TENT2: variants seen among roughly 807,000 people sequenced by gnomAD.
TENT2 encodes poly(A) RNA polymerase GLD2.
A neutral mutation model predicts 72.2 loss-of-function variants in TENT2; 44 were observed. That is an observed-to-expected ratio of 0.61 (90% CI 0.48 to 0.78). The LOEUF is 0.78. Among genes scored for constraint, TENT2 ranks in the 30% least tolerant of loss-of-function variants. The pLI is 0.00. For missense variants in TENT2, 541 were observed against 569.6 expected, an observed-to-expected ratio of 0.95 and a Z score of 0.51; for synonymous variants, 212 against 192.5, an observed-to-expected ratio of 1.10 and a Z score of -0.84.
At chr5:79,638,987 TA>T (rs1472254094) in intron 4 of TENT2, among the ~76,000 whole-genome samples, 1 of 152,362 alleles carries the variant, frequency 6.6e-6, no homozygotes, top group East Asian at 1.9e-4. Flanking sequence ...TTTGCCTCAT[TA>T]TGGACTATAA....
chr5:79,622,205 G>C (rs1765654952), intron 3 of TENT2, among the ~76,000 whole-genome samples: 1 of 152,090 alleles, frequency 6.6e-6, no homozygotes, highest in Non-Finnish European at 1.5e-5. Flanking sequence ...GGCGGCTGAG[G>C]CAGGAGAATA....
intron 14 of TENT2, among the ~76,000 whole-genome samples, chr5:79,684,894 CA>C (rs35681657): frequency 6.6e-6 from 1 of 152,066 alleles, no homozygotes; most frequent in Non-Finnish European, 1.5e-5. Flanking sequence ...CTTGTCTCTA[CA>C]AAAAAATTTA....
At chr5:79,657,062 T>C (rs976775431) in intron 11 of TENT2, 61 bp downstream of exon 11, 10 of 1,143,284 alleles carry the variant, frequency 8.7e-6, no homozygotes, top group Non-Finnish European at 1.3e-5. Flanking sequence ...AGAACTATTA[T>C]AAGTAGTATT....
At position 79,623,479 on chromosome 5, in the gene TENT2, C is replaced by A. The variant is rs1766765367; in HGVS notation, c.455C>A (p.Ala152Asp). The part of the protein sequence containing the change: ...LEPREITLPE[A>D]KDKLSQQILE... The stretch of plus-strand genomic sequence containing the variant: ...CCTAGAGAAATCACACTGCCTGAGG[C>A]CAAAGATAAGGTAATAATAATGTAG... The change falls in exon 4 of 15, where the codon GCC becomes GAC. Residue 152 changes from alanine (A) to aspartate (D), a missense_variant. Transcript: ENST00000453514. 6.3e-7 allele frequency: 1 copy of A among 1,597,624 alleles called. No individual in the cohort carries two copies. The highest frequency in any genetic ancestry group is 8.6e-7 in the Non-Finnish European group (1 of 1,168,954).
rs867746607 is a variant in TENT2, at chr5:79,613,787, C to A, written c.-38+712C>A. 81 of 152,244 alleles carry A rather than the reference C, an allele frequency of 5.3e-4. 1 individual carries two copies. The highest frequency in any genetic ancestry group is 1.8e-3 in the African/African-American group (75 of 41,530). 9.4% of individuals were successfully genotyped at this position (152,244 alleles called of 1,614,324 possible). A position where few individuals can be genotyped will look rare whatever the true frequency, so the allele number is the denominator to read the frequency against. ...ACCAAAAGGAATATCCTGTTCAAAA[C>A]CTGGAAGTAGTTTTCACAGTGGGTT... On this transcript the variant is annotated intron_variant, in intron 1 of 14. Coordinates refer to ENST00000453514, the MANE Select transcript of TENT2 (RefSeq NM_001114394.3).
intron 11 of TENT2, among the ~76,000 whole-genome samples, chr5:79,664,755 T>C (rs997032313): frequency 7.2e-5 from 11 of 152,168 alleles, no homozygotes; most frequent in African/African-American, 2.7e-4. Flanking sequence ...CACACTGTAT[T>C]GTATAAATGT....
At chr5:79,631,742 TAGAG>T (rs1775748880) in intron 4 of TENT2, among the ~76,000 whole-genome samples, 1 of 152,178 alleles carries the variant, frequency 6.6e-6, no homozygotes, top group Admixed American at 6.6e-5. Context: ...GGAAGATTCA[TAGAG>T]AGGAAAGAGG....
At chr5:79,646,572 A>G (rs1789197482) in intron 8 of TENT2, among the ~76,000 whole-genome samples, 1 of 152,198 alleles carries the variant, frequency 6.6e-6, no homozygotes, top group African/African-American at 2.4e-5. Context: ...ATCTATAAAT[A>G]CTTATTAAAT....
chr5:79,629,899 C>G (rs551687162), intron 4 of TENT2, among the ~76,000 whole-genome samples: 1 of 151,384 alleles, frequency 6.6e-6, no homozygotes, highest in Non-Finnish European at 1.5e-5. Flanking sequence ...TTTGGGAGGC[C>G]GAGGCGGGTG....
At chr5:79,683,880 C>T (rs1357361010) in intron 14 of TENT2, among the ~76,000 whole-genome samples, 6 of 137,268 alleles carry the variant, frequency 4.4e-5, no homozygotes, top group African/African-American at 5.6e-5. Flanking sequence ...GCCGAGATCC[C>T]GCCACTGCAC....
intron 8 of TENT2, among the ~76,000 whole-genome samples, chr5:79,645,583 A>G (rs1788181885): frequency 6.6e-6 from 1 of 152,166 alleles, no homozygotes; most frequent in Admixed American, 6.6e-5. Flanking sequence ...TTTCATTTTT[A>G]TGAAAGATAC....
At chr5:79,620,658 T>A (rs545810735) in intron 3 of TENT2, 1 of 152,338 alleles carries the variant, frequency 6.6e-6, no homozygotes, top group East Asian at 1.9e-4. Context: ...TCATATTGGA[T>A]TAACGTTCAT....
intron 4 of TENT2, among the ~76,000 whole-genome samples, chr5:79,630,208 C>T (rs181600675): frequency 6.6e-6 from 1 of 152,180 alleles, no homozygotes; most frequent in East Asian, 1.9e-4. Context: ...TTAGTGAGTG[C>T]TGAGAGAATG....
intron 3 of TENT2, among the ~76,000 whole-genome samples, 158 bp downstream of exon 3, chr5:79,620,241 C>T (rs981451903): frequency 3.3e-5 from 5 of 152,054 alleles, no homozygotes; most frequent in African/African-American, 9.7e-5. Context: ...CATTTTTATG[C>T]GTTTAAAAAT....
intron 11 of TENT2, among the ~76,000 whole-genome samples, chr5:79,664,696 G>A (rs1160764953): frequency 2.0e-5 from 3 of 151,724 alleles, no homozygotes; most frequent in African/African-American, 7.3e-5. Flanking sequence ...TTTTGAAAAC[G>A]TAGAAAAATT....
chr5:79,643,704 TAAAG>T (rs1786285588), intron 7 of TENT2, among the ~76,000 whole-genome samples: 1 of 152,164 alleles, frequency 6.6e-6, no homozygotes, highest in South Asian at 2.1e-4. Flanking sequence ...TTCTGTAAAA[TAAAG>T]AATAATTCAT....
chr5:79,663,824 G>A (rs559243294), intron 11 of TENT2, among the ~76,000 whole-genome samples: 27 of 152,268 alleles, frequency 1.8e-4, no homozygotes, highest in Admixed American at 1.2e-3. Context: ...TAGATGCACC[G>A]TTGCCATAAA....
chr5:79,677,122 G>A (rs1007422394), intron 12 of TENT2, among the ~76,000 whole-genome samples: 3 of 152,132 alleles, frequency 2.0e-5, no homozygotes, highest in African/African-American at 4.8e-5. Flanking sequence ...TATATGTCAC[G>A]TTTTAATGAT....
intron 14 of TENT2, among the ~76,000 whole-genome samples, chr5:79,683,668 C>A (rs1220669491): frequency 6.6e-6 from 1 of 151,984 alleles, no homozygotes; most frequent in Non-Finnish European, 1.5e-5. Flanking sequence ...GTAATCCCAG[C>A]ACTTTGGGAG....
Sources: allele counts gnomAD v4.1 joint callset (sites outside exome capture counted in the v4.1 genomes callset), GRCh38; gene constraint gnomAD v4.1.1; transcripts MANE v1.5; gene names NCBI Gene and HGNC (gene_info 2026-07-23, HGNC 2026-07-21).